Variants in WHRN observed in about 807,000 individuals in gnomAD.
WHRN encodes CASK-interacting protein CIP98.
In WHRN, 41 loss-of-function variants were observed where a neutral mutation model predicts 68.3. The observed-to-expected ratio is 0.60, with a 90% CI of 0.47 to 0.78. The LOEUF (loss-of-function observed/expected upper bound fraction) is 0.78, where lower values mean the gene tolerates loss of function less well. Ranked by LOEUF, WHRN falls within the 30% of genes least tolerant of loss-of-function variation. WHRN has a pLI of 0.00. For synonymous variants in WHRN, 560 were observed against 561.3 expected, an observed-to-expected ratio of 1.00 and a Z score of 0.03; for missense variants, 1,243 against 1,244.7, an observed-to-expected ratio of 1.00 and a Z score of 0.02.
chr9:114,480,552 G>C (rs1373427267), intron 1 of WHRN, among the ~76,000 whole-genome samples: 10 of 152,066 alleles, frequency 6.6e-5, no homozygotes, highest in Admixed American at 6.6e-4. Flanking sequence ...CTGAAAGTGG[G>C]CCCTCACCAG....
chr9:114,440,841 G>A (rs562271722), intron 3 of WHRN, among the ~76,000 whole-genome samples: 2 of 152,250 alleles, frequency 1.3e-5, no homozygotes, highest in African/African-American at 4.8e-5. Context: ...GTGGTCTCTC[G>A]TGGCTCTCAT....
intron 1 of WHRN, among the ~76,000 whole-genome samples, chr9:114,486,831 AAAG>A (rs1842510795): frequency 6.7e-6 from 1 of 150,032 alleles, no homozygotes; most frequent in Non-Finnish European, 1.5e-5. Context: ...AAAAAAAAAA[AAAG>A]AGAGAAATAA....
rs763404501 is a variant in WHRN at position 114,423,366 on chromosome 9, G to T, written c.1574C>A (p.Thr525Lys). Reference sequence around the variant, plus strand: ...GCCGTGGCTGCCTGTGGATGAACCCGTGTCACTGTAGGAGACCATGGAGTA... The same window carrying T: ...GCCGTGGCTGCCTGTGGATGAACCCTTGTCACTGTAGGAGACCATGGAGTA... ...DTYSMVSYSD[T>K]GSSTGSHGTS... Residue 525 changes from threonine (T) to lysine (K), a missense_variant, in exon 7 of 12, where the codon ACG becomes AAG. By Grantham distance (78) the Thr-to-Lys change is moderately conservative. Transcript: ENST00000362057. The T allele has an allele frequency of 3.1e-6, 5 of 1,614,060 alleles. No individual in the cohort carries two copies. The highest frequency in any genetic ancestry group is 4.2e-6 in the Non-Finnish European group (5 of 1,179,970).
rs113471206 is a variant in WHRN, at chr9:114,430,329, T to G, written c.964-3916A>C. On this transcript the variant is annotated intron_variant, in intron 3 of 11. Coordinates refer to ENST00000362057, the MANE Select transcript of WHRN (RefSeq NM_015404.4). ...CAGAAAAACAAATGCTTTAAAAATA[T>G]ACATATGTCCCAAATATTGCATAGG... Among the ~76,000 whole-genome samples the G allele has an allele frequency of 9.2e-3, 1,399 of 152,346 alleles. 9 individuals carry two copies. Among genetic ancestry groups the G allele is most frequent in the Non-Finnish European group, 0.015 (992 of 68,028 alleles).
intron 2 of WHRN, among the ~76,000 whole-genome samples, chr9:114,467,515 CG>C (rs887185074): frequency 2.7e-5 from 4 of 148,564 alleles, no homozygotes; most frequent in African/African-American, 7.5e-5. Flanking sequence ...AGTCAGCCGG[CG>C]GGGGGGAAGG....
chr9:114,402,814 G>A lies in WHRN; in HGVS notation c.2664C>T (p.Phe888=), dbSNP rs1272530276. The change falls in exon 12 of 12, where the codon TTC becomes TTT. Residue 888 remains phenylalanine, a synonymous_variant. Transcript: ENST00000362057. The part of the protein sequence containing the change: ...REAARIIAEA[F]KTKDRDYIDF... ...CAATGTAGTCACGGTCCTTAGTCTT[G>A]AAGGCCTCGGCGATAATGCGGGCGG... The A allele has an allele frequency of 1.2e-6, 2 of 1,614,108 alleles. No individual in the cohort carries two copies. Among genetic ancestry groups the A allele is most frequent in the Non-Finnish European group, 1.7e-6 (2 of 1,180,046 alleles).
intron 7 of WHRN, among the ~76,000 whole-genome samples, chr9:114,412,782 A>C (rs1835541048): frequency 6.6e-6 from 1 of 152,202 alleles, no homozygotes; most frequent in African/African-American, 2.4e-5. Context: ...GAAGAGGGGC[A>C]ACCTTTGCGG....
chr9:114,488,458 C>T (rs1448718881), intron 1 of WHRN, among the ~76,000 whole-genome samples: 1 of 152,170 alleles, frequency 6.6e-6, no homozygotes, highest in African/African-American at 2.4e-5. Context: ...TCTCTCCTCG[C>T]TTCTCTCCAT....
intron 9 of WHRN, among the ~76,000 whole-genome samples, chr9:114,404,560 C>G (rs1324060654): frequency 6.6e-6 from 1 of 152,142 alleles, no homozygotes; most frequent in East Asian, 1.9e-4. Flanking sequence ...CTGCCTGAGC[C>G]GAGTGGTGGG....
In WHRN at chr9:114,437,527, T is replaced by C. The variant is rs148063364; in HGVS notation, c.964-11114A>G. On this transcript the variant is annotated intron_variant, in intron 3 of 11. Transcript: ENST00000362057. ...ATTCCTACCCTAACCCTGAATCTGA[T>C]TGTATTTGAAGATAGGGCCTGTGAG... Among the ~76,000 whole-genome samples, 204 of 152,284 alleles carry C rather than the reference T, an allele frequency of 1.3e-3. 1 individual carries two copies. Among genetic ancestry groups the C allele is most frequent in the African/African-American group, 4.3e-3 (180 of 41,556 alleles).
At chr9:114,488,335 T>C (rs1457470287) in intron 1 of WHRN, among the ~76,000 whole-genome samples, 2 of 152,146 alleles carry the variant, frequency 1.3e-5, no homozygotes, top group Non-Finnish European at 2.9e-5. Context: ...ACAGCAAAAT[T>C]ACAGCGATGA....
chr9:114,403,629 C>T (rs924155732), intron 10 of WHRN, among the ~76,000 whole-genome samples: 8 of 152,354 alleles, frequency 5.3e-5, no homozygotes, highest in Non-Finnish European at 8.8e-5. Flanking sequence ...GCCACCTGGC[C>T]ATGTCAAAAC....
At chr9:114,425,612 C>CACACACACAT (rs1324764288) in intron 4 of WHRN, 1 of 243,412 alleles carries the variant, frequency 4.1e-6, no homozygotes, top group African/African-American at 2.3e-5. Flanking sequence ...CACACACACA[C>CACACACACAT]ACACACACAC....
chr9:114,486,518 C>G, intron 1 of WHRN, among the ~76,000 whole-genome samples: 1 of 152,194 alleles, frequency 6.6e-6, no homozygotes, highest in East Asian at 1.9e-4. Flanking sequence ...ATTCATTCAT[C>G]GTTGAACAAG....
chr9:114,496,220 C>G (rs1161321833), intron 1 of WHRN, among the ~76,000 whole-genome samples: 1 of 152,142 alleles, frequency 6.6e-6, no homozygotes, highest in African/African-American at 2.4e-5. Context: ...ATCCAGGGGA[C>G]AATGCTGTCA....
At chr9:114,467,100 C>A (rs1840774459) in intron 2 of WHRN, among the ~76,000 whole-genome samples, 1 of 151,008 alleles carries the variant, frequency 6.6e-6, no homozygotes, top group East Asian at 2.0e-4. Flanking sequence ...CCTGTCACTT[C>A]AGGAGTCTCC....
rs536641108 is a variant in WHRN at position 114,432,573 on chromosome 9, T to C, written c.964-6160A>G. On this transcript the variant is annotated intron_variant, in intron 3 of 11. Transcript: ENST00000362057. ...ACTAATTCTACACTCTGTCACTTAC[T>C]TGCTGTATGACCTTGGGTAATTGAC... 3.3e-5 allele frequency among the ~76,000 whole-genome samples: 5 copies of C among 152,330 alleles called. No individual in the cohort carries two copies. In the South Asian group the frequency reaches 1.0e-3, roughly 32 times the overall value.
Position 114,504,917 on chromosome 9 carries a change from C to T in WHRN, c.-116G>A. ...GGGAGCGCGGAGACGACGGCTGGAG[C>T]CTGGGTTTGGGGAGCACGGGTACAG... On this transcript the variant is annotated 5_prime_UTR_variant, in exon 1 of 12. Transcript: ENST00000362057. 1 of 1,314,026 alleles carries T rather than the reference C, an allele frequency of 7.6e-7. No homozygotes were observed. The highest frequency in any genetic ancestry group is 1.6e-5 in the African/African-American group (1 of 64,228). The allele number at this position is 1,314,026 out of a possible 1,614,324, so 81.4% of individuals were successfully genotyped here.
intron 3 of WHRN, among the ~76,000 whole-genome samples, chr9:114,455,817 T>C (rs1042978498): frequency 3.3e-5 from 5 of 151,948 alleles, no homozygotes; most frequent in African/African-American, 7.3e-5. Context: ...AATAAACCTA[T>C]AGTAAGTTGA....
Sources: gnomAD v4.1 joint callset for allele counts (sites outside exome capture counted in the v4.1 genomes callset) on GRCh38, gnomAD v4.1.1 for gene constraint, MANE v1.5 for transcripts, NCBI Gene and HGNC (gene_info 2026-07-23, HGNC 2026-07-21) for gene names.